TIAM2: variants seen among roughly 807,000 people sequenced by gnomAD.
The protein encoded by TIAM2 is rho guanine nucleotide exchange factor TIAM2.
In TIAM2, 80 loss-of-function variants were observed where a neutral mutation model predicts 152.9. That is an observed-to-expected ratio of 0.52 (90% CI 0.44 to 0.63). The LOEUF (loss-of-function observed/expected upper bound fraction) is 0.63, where lower values mean the gene tolerates loss of function less well. TIAM2 is among the 30% of genes least tolerant of loss of function. The probability of loss-of-function intolerance (pLI) is 0.00; values close to 1 mark genes in which losing one functional copy is unlikely to be tolerated. For synonymous variants in TIAM2, 804 were observed against 838.0 expected (o/e 0.96, Z 0.70); for missense variants, 1,965 against 2,120.1 (o/e 0.93, Z 1.44).
At chr6:155,016,285 A>G (rs1303321604) in intron 1 of TIAM2, 1 of 152,244 alleles carries the variant, frequency 6.6e-6, no homozygotes, top group Non-Finnish European at 1.5e-5. Context: ...ACAGAGGAAC[A>G]GTTGGATAAG....
chr6:155,052,243 T>C (rs1397842109), intron 1 of TIAM2, among the ~76,000 whole-genome samples: 1 of 152,204 alleles, frequency 6.6e-6, no homozygotes, highest in African/African-American at 2.4e-5. Flanking sequence ...ATGCAGAATC[T>C]AATAAAACCA....
chr6:155,083,278 G>A (rs780486349), intron 1 of TIAM2, among the ~76,000 whole-genome samples: 1 of 151,466 alleles, frequency 6.6e-6, no homozygotes, highest in Non-Finnish European at 1.5e-5. Context: ...GAACCCTGGA[G>A]GCAGAGGTTA....
chr6:155,008,703 C>T (rs1778438772), intron 1 of TIAM2, among the ~76,000 whole-genome samples: 2 of 152,146 alleles, frequency 1.3e-5, no homozygotes, highest in African/African-American at 2.4e-5. Flanking sequence ...TTCTGAGGCT[C>T]AGTGTCTGGA....
intron 2 of TIAM2, among the ~76,000 whole-genome samples, chr6:155,117,212 A>C (rs1375844498): frequency 6.6e-6 from 1 of 152,124 alleles, no homozygotes; most frequent in Non-Finnish European, 1.5e-5. Flanking sequence ...CAAAATTTTT[A>C]TTGGGCAGCC....
chr6:155,120,380 C>G (rs1448832326), intron 2 of TIAM2, among the ~76,000 whole-genome samples: 1 of 152,204 alleles, frequency 6.6e-6, no homozygotes, highest in African/African-American at 2.4e-5. Flanking sequence ...GATTACTCTT[C>G]CTAAGCATTA....
chr6:155,017,431 A>G (rs1046518288), intron 1 of TIAM2, among the ~76,000 whole-genome samples: 2 of 151,616 alleles, frequency 1.3e-5, no homozygotes, highest in African/African-American at 4.8e-5. Flanking sequence ...TGGGTGGGGC[A>G]GCAGCTTCAG....
intron 2 of TIAM2, among the ~76,000 whole-genome samples, chr6:155,099,202 C>A (rs1778492118): frequency 7.4e-6 from 1 of 134,342 alleles, no homozygotes; most frequent in African/African-American, 2.8e-5. Context: ...TTTCTCTCAT[C>A]TATATGTGTA....
intron 4 of TIAM2, among the ~76,000 whole-genome samples, chr6:155,130,982 G>A (rs539550441): frequency 6.6e-6 from 1 of 152,152 alleles, no homozygotes; most frequent in East Asian, 1.9e-4. Flanking sequence ...ATTTTGGGGA[G>A]GGGGGAAACA....
At chr6:155,053,129 A>C (rs1299905894) in intron 1 of TIAM2, among the ~76,000 whole-genome samples, 1 of 152,238 alleles carries the variant, frequency 6.6e-6, no homozygotes, top group East Asian at 1.9e-4. Context: ...GAGCATCCAA[A>C]GTACTGAAAC....
At chr6:155,205,927 G>A (rs554799189) in intron 14 of TIAM2, among the ~76,000 whole-genome samples, 47 of 152,334 alleles carry the variant, frequency 3.1e-4, no homozygotes, top group African/African-American at 9.1e-4. Context: ...TTCAGATTAC[G>A]AGCTGTGTGG....
At chr6:155,201,885 A>G (rs1277768785) in intron 14 of TIAM2, among the ~76,000 whole-genome samples, 1 of 152,224 alleles carries the variant, frequency 6.6e-6, no homozygotes, top group African/African-American at 2.4e-5. Context: ...AACATCACCA[A>G]TTGGAATGTG....
intron 15 of TIAM2, among the ~76,000 whole-genome samples, chr6:155,225,100 C>T (rs1050286143): frequency 6.6e-6 from 1 of 152,144 alleles, no homozygotes; most frequent in Middle Eastern, 3.2e-3. Flanking sequence ...GGATTACAGG[C>T]ATGCACAACT....
chr6:155,161,943 ATTCATTTTCTTTTTCT>A (rs1366833456), intron 7 of TIAM2, among the ~76,000 whole-genome samples: 1 of 150,986 alleles, frequency 6.6e-6, no homozygotes, highest in Non-Finnish European at 1.5e-5. Flanking sequence ...CCAGTGACTC[ATTCATTTTCTTTTTCT>A]TTCCTTTTTT....
chr6:155,210,200 T>C (rs1781687357), intron 14 of TIAM2, among the ~76,000 whole-genome samples: 1 of 152,148 alleles, frequency 6.6e-6, no homozygotes, highest in Non-Finnish European at 1.5e-5. Context: ...GTGTTCTACT[T>C]ATTTCATATT....
At chr6:155,043,067 T>G (rs1414641609) in intron 1 of TIAM2, among the ~76,000 whole-genome samples, 1 of 152,160 alleles carries the variant, frequency 6.6e-6, no homozygotes, top group Non-Finnish European at 1.5e-5. Flanking sequence ...GGGGATGCAT[T>G]ATGACCTCTG....
intron 19 of TIAM2, among the ~76,000 whole-genome samples, chr6:155,247,707 A>G (rs964205615): frequency 2.6e-5 from 4 of 152,200 alleles, no homozygotes; most frequent in African/African-American, 9.7e-5. Flanking sequence ...GGTATGCATG[A>G]AATGTGTCTT....
At chr6:155,003,939 C>T (rs373713428) in intron 1 of TIAM2, among the ~76,000 whole-genome samples, 3 of 152,318 alleles carry the variant, frequency 2.0e-5, no homozygotes, top group South Asian at 2.1e-4. Context: ...CCAAGATTGA[C>T]GGAGCGAGAC....
At chr6:155,007,012 G>C (rs1778412725) in intron 1 of TIAM2, among the ~76,000 whole-genome samples, 3 of 152,178 alleles carry the variant, frequency 2.0e-5, no homozygotes, top group Admixed American at 6.5e-5. Context: ...TTTTTGTGGA[G>C]AAAGGGTCTT....
rs1778375957 is a variant in TIAM2, at chr6:155,005,021, A to G, written c.-209+9529A>G. On this transcript the variant is annotated intron_variant, in intron 1 of 26. Transcript: ENST00000682666. ...TGCCCCATGTGAAGAGGCAGAAGGC[A>G]GTCATGGAGTAACCCATGATGAGCC... 4 of 512,284 alleles carry G rather than the reference A, an allele frequency of 7.8e-6. No individual in the cohort carries two copies. The South Asian group carries it at 1.5e-4, about 20-fold the overall frequency. 31.7% of individuals were successfully genotyped at this position (512,284 alleles called of 1,614,324 possible). A position where few individuals can be genotyped will look rare whatever the true frequency, so the allele number is the denominator to read the frequency against.
Sources: allele counts gnomAD v4.1 joint callset (sites outside exome capture counted in the v4.1 genomes callset), GRCh38; gene constraint gnomAD v4.1.1; transcripts MANE v1.5; gene names NCBI Gene and HGNC (gene_info 2026-07-23, HGNC 2026-07-21).